Variants in GLRA1 observed in about 807,000 individuals in gnomAD.
GLRA1 encodes glycine receptor subunit alpha-1.
GLRA1 carries 37 observed loss-of-function variants against 48.3 expected under a neutral mutation model. That is an observed-to-expected ratio of 0.77 (90% confidence interval 0.59 to 1.01). The LOEUF is 1.01. Ranked by LOEUF, GLRA1 falls within the 50% of genes least tolerant of loss-of-function variation. The probability of loss-of-function intolerance (pLI) is 0.00; values close to 1 mark genes in which losing one functional copy is unlikely to be tolerated. For missense variants in GLRA1, 427 were observed against 571.0 expected, an observed-to-expected ratio of 0.75 and a Z score of 2.57; for synonymous variants, 196 against 210.7, an observed-to-expected ratio of 0.93 and a Z score of 0.60.
At chr5:151,848,531 T>C (rs1752740481) in intron 7 of GLRA1, among the ~76,000 whole-genome samples, 1 of 152,148 alleles carries the variant, frequency 6.6e-6, no homozygotes. Context: ...CATGCCTGAC[T>C]AAGAGTTTCT....
At chr5:151,920,073 A>C (rs773098098) in intron 1 of GLRA1, among the ~76,000 whole-genome samples, 1 of 152,262 alleles carries the variant, frequency 6.6e-6, no homozygotes, top group African/African-American at 2.4e-5. Flanking sequence ...GGACTCTGGC[A>C]TCTGTGCCTG....
intron 1 of GLRA1, among the ~76,000 whole-genome samples, chr5:151,896,978 A>G (rs1754240912): frequency 6.6e-6 from 1 of 152,218 alleles, no homozygotes; most frequent in African/African-American, 2.4e-5. Context: ...CGTTAGAGGC[A>G]TATTAACACC....
intron 7 of GLRA1, chr5:151,849,881 C>T: frequency 1.4e-6 from 2 of 1,473,824 alleles, no homozygotes; most frequent in African/African-American, 2.8e-5. Flanking sequence ...TAGTATTTTA[C>T]AGTCTGAAGG....
intron 3 of GLRA1, among the ~76,000 whole-genome samples, chr5:151,868,834 C>T (rs191335916): frequency 1.3e-3 from 203 of 152,312 alleles, no homozygotes; most frequent in African/African-American, 4.4e-3. Flanking sequence ...GTGGACTGCC[C>T]AGATCCCTGT....
intron 3 of GLRA1, among the ~76,000 whole-genome samples, chr5:151,866,397 A>G (rs931762077): frequency 3.3e-5 from 5 of 152,132 alleles, no homozygotes; most frequent in African/African-American, 1.2e-4. Flanking sequence ...TTCAGATTCT[A>G]ACCTCTCCTA....
At chr5:151,902,072 T>C (rs1428155) in intron 1 of GLRA1, among the ~76,000 whole-genome samples, 46,916 of 152,116 alleles carry the variant, frequency 0.31, 8,265 homozygotes, top group South Asian at 0.4. Flanking sequence ...TAACTGAGAA[T>C]TTTGGAGCTC....
intron 1 of GLRA1, among the ~76,000 whole-genome samples, chr5:151,893,341 TTTCTTTCTTTC>T (rs1754144322): frequency 6.7e-6 from 1 of 150,036 alleles, no homozygotes; most frequent in African/African-American, 2.5e-5. Context: ...TCTTTCTTTC[TTTCTTTCTTTC>T]TTTCTTTCAT....
intron 7 of GLRA1, chr5:151,849,866 G>A: frequency 7.0e-7 from 1 of 1,424,146 alleles, no homozygotes. Flanking sequence ...GAATTTTGAT[G>A]GCTCTAGTAT....
chr5:151,877,680 C>T (rs1294862949), intron 3 of GLRA1, among the ~76,000 whole-genome samples: 2 of 152,090 alleles, frequency 1.3e-5, no homozygotes, highest in Non-Finnish European at 2.9e-5. Flanking sequence ...ATGCTGTTCT[C>T]GTGATAGTGA....
intron 3 of GLRA1, among the ~76,000 whole-genome samples, chr5:151,877,372 G>A (rs73285972): frequency 0.017 from 2,602 of 152,200 alleles, 81 homozygotes; most frequent in African/African-American, 0.058. Flanking sequence ...TAGCTTATAG[G>A]ACTAAAACAG....
intron 1 of GLRA1, among the ~76,000 whole-genome samples, chr5:151,913,544 G>A (rs1429749323): frequency 6.6e-6 from 1 of 152,168 alleles, no homozygotes; most frequent in African/African-American, 2.4e-5. Flanking sequence ...TTAAAACCTG[G>A]CATTTTCAAG....
chr5:151,914,748 T>C (rs1194341450), intron 1 of GLRA1, among the ~76,000 whole-genome samples: 1 of 152,130 alleles, frequency 6.6e-6, no homozygotes, highest in East Asian at 1.9e-4. Flanking sequence ...CCACACACTT[T>C]ATAATGGGGG....
chr5:151,923,222 G>A (rs1581671349), intron 1 of GLRA1, among the ~76,000 whole-genome samples: 1 of 152,170 alleles, frequency 6.6e-6, no homozygotes, highest in Non-Finnish European at 1.5e-5. Flanking sequence ...TTCATCTCAA[G>A]AGACATGAAA....
intron 7 of GLRA1, among the ~76,000 whole-genome samples, chr5:151,831,509 CT>C (rs2113295343): frequency 6.6e-6 from 1 of 152,314 alleles, no homozygotes; most frequent in African/African-American, 2.4e-5. Flanking sequence ...CGGTTTCCCC[CT>C]CACAGTGTAA....
intron 8 of GLRA1, 83 bp downstream of exon 8, chr5:151,828,838 A>G: frequency 7.2e-7 from 1 of 1,389,650 alleles, no homozygotes; most frequent in Non-Finnish European, 9.9e-7. Context: ...GACCATTGAA[A>G]CAAATAACAC....
At chr5:151,912,280 T>TC (rs1554087533) in intron 1 of GLRA1, among the ~76,000 whole-genome samples, 4 of 150,688 alleles carry the variant, frequency 2.7e-5, no homozygotes, top group Non-Finnish European at 4.4e-5. Flanking sequence ...TTTTTTTTTT[T>TC]CTACTAGATG....
At chr5:151,885,682 G>T (rs1035191395) in intron 3 of GLRA1, among the ~76,000 whole-genome samples, 1 of 152,224 alleles carries the variant, frequency 6.6e-6, no homozygotes, top group African/African-American at 2.4e-5. Context: ...AGCAATCGGT[G>T]CAGCTAGAGT....
At chr5:151,866,342 C>G (rs1753335004) in intron 3 of GLRA1, among the ~76,000 whole-genome samples, 1 of 152,210 alleles carries the variant, frequency 6.6e-6, no homozygotes. Context: ...TATGCACCAC[C>G]TGAAGTTGGA....
In GLRA1 at chr5:151,924,460, A is replaced by G. The variant is rs765344212; in HGVS notation, c.56+34T>C. ...CTCCGTACTCTTTCCCCCCATTTCC[A>G]TCAGAGCGATGTGGTCAGTAGAAAA... On this transcript the variant is annotated intron_variant, in intron 1 of 8. Coordinates refer to ENST00000274576, the MANE Select transcript of GLRA1 (RefSeq NM_000171.4). 34 of 1,341,986 alleles carry G rather than the reference A, an allele frequency of 2.5e-5. No homozygotes were observed. The Admixed American group carries it at 3.5e-4, about 14-fold the overall frequency. 83.1% of individuals were successfully genotyped at this position (1,341,986 alleles called of 1,614,324 possible).
Sources: gnomAD v4.1 joint callset for allele counts (sites outside exome capture counted in the v4.1 genomes callset) on GRCh38, gnomAD v4.1.1 for gene constraint, MANE v1.5 for transcripts, NCBI Gene and HGNC (gene_info 2026-07-23, HGNC 2026-07-21) for gene names.